The following ZNF443 variants were observed in gnomAD, a reference collection of about 807,000 sequenced individuals.
ZNF443 encodes zinc finger protein 443.
A neutral mutation model predicts 12.0 loss-of-function variants in ZNF443; 3 were observed. The ratio of observed to expected loss-of-function variants is 0.25; its 90% CI spans 0.11 to 0.64. The LOEUF is 0.64. Among genes scored for constraint, ZNF443 ranks in the 30% least tolerant of loss-of-function variants. ZNF443 has a pLI of 0.84. For synonymous variants in ZNF443, 225 were observed against 265.9 expected, an observed-to-expected ratio of 0.85 and a Z score of 1.50; for missense variants, 770 against 808.8, an observed-to-expected ratio of 0.95 and a Z score of 0.58.
chr19:12,431,873 A>C lies in ZNF443; in HGVS notation c.299T>G (p.Val100Gly). The C allele has an allele frequency of 1.2e-6, 2 of 1,613,944 alleles. No homozygotes were observed. The highest frequency in any genetic ancestry group is 1.3e-5 in the African/African-American group (1 of 74,980). Residue 100 changes from valine (V) to glycine (G), a missense_variant, in exon 4 of 4, where the codon GTA (valine) becomes GGA (glycine). Physicochemically the swap from Val to Gly is moderately radical, Grantham distance 109 (BLOSUM62 -3). This residue lies in a region of ZNF443 where 736 missense variants were observed against 689.4 expected (regional missense o/e 1.07). Coordinates refer to ENST00000301547, the MANE Select transcript of ZNF443 (RefSeq NM_005815.5). ...TCTCATACTGCTTTCACAAGGACCT[A>C]CTCCAGGAAGAGTGTTCTTGGTCAC... ...SIVTKNTLPG[V>G]GPCESSMRGE...
Position 12,431,301 on chromosome 19 carries a change from G to C in ZNF443, c.871C>G (p.Pro291Ala). The part of the protein sequence containing the change: ...YKCKQCSKAF[P>A]DSSSCLIHER... ...TGTATTAGACAAGAACTGGAATCAG[G>C]GAAGGCTTTAGAACACTGCTTACAT... is the stretch of plus-strand genomic sequence containing the variant. Residue 291 changes from proline to alanine, a missense_variant, in exon 4 of 4, where the codon CCT becomes GCT. By Grantham distance (27) the Pro-to-Ala change is conservative. Around this residue, in one of 3 missense-constraint regions of ZNF443, gnomAD observed 736 missense variants for 689.4 expected, o/e 1.07. Coordinates refer to ENST00000301547, the MANE Select transcript of ZNF443 (RefSeq NM_005815.5). 6.2e-7 allele frequency: 1 copy of C among 1,613,998 alleles called. No individual in the cohort carries two copies.
At chr19:12,440,010 G>A (rs149531135) in intron 1 of ZNF443, among the ~76,000 whole-genome samples, 6,505 of 147,200 alleles carry the variant, frequency 0.044, 159 homozygotes, top group Middle Eastern at 0.087. Context: ...AGACCCTGCT[G>A]CCCACGTCTT....
rs706547 is a variant in ZNF443 at position 12,430,004 on chromosome 19, G to T, written c.*152C>A. On this transcript the variant is annotated 3_prime_UTR_variant, in exon 4 of 4. Transcript: ENST00000301547. ...GAACCAATACCCAGCAGGTATCAAGGGATGACTGTACTGGAAAGAAACTGA... is the reference window on the plus strand; with the variant it reads ...GAACCAATACCCAGCAGGTATCAAGTGATGACTGTACTGGAAAGAAACTGA... 22 of 1,372,926 alleles carry T rather than the reference G, an allele frequency of 1.6e-5. No individual in the cohort carries two copies. The highest frequency in any genetic ancestry group is 2.9e-5 in the South Asian group (2 of 68,832). The allele number at this position is 1,372,926 out of a possible 1,614,324, so 85.0% of individuals were successfully genotyped here.
rs372944620 is a variant in ZNF443, at chr19:12,431,746, C to T, written c.426G>A (p.Thr142=). 6.6e-5 allele frequency: 107 copies of T among 1,613,998 alleles called. No homozygotes were observed. In the Admixed American group the frequency reaches 1.3e-3, roughly 20 times the overall value. The change falls in exon 4 of 4, where the codon ACG becomes ACA. Residue 142 remains threonine (T), a synonymous_variant. Coordinates refer to ENST00000301547, the MANE Select transcript of ZNF443 (RefSeq NM_005815.5). Reference sequence around the variant, plus strand: ...TGAAGGCTTTCCCACGTTGTTTATGCGTATCTGGCTTCTCTCCACATTCAT... The same window carrying T: ...TGAAGGCTTTCCCACGTTGTTTATGTGTATCTGGCTTCTCTCCACATTCAT... ...EYHECGEKPD[T]HKQRGKAFSY...
chr19:12,438,665 T>C (rs1188322794), intron 1 of ZNF443, among the ~76,000 whole-genome samples: 1 of 152,130 alleles, frequency 6.6e-6, no homozygotes, highest in African/African-American at 2.4e-5. Context: ...AGTCCTGAAA[T>C]TCCATCTGAA....
chr19:12,432,304 C>T lies in ZNF443; in HGVS notation c.191+73G>A, dbSNP rs570723248. 1.3e-4 allele frequency: 169 copies of T among 1,317,226 alleles called. 1 individual carries two copies. The highest frequency in any genetic ancestry group is 4.0e-4 in the South Asian group (30 of 75,002). The allele number at this position is 1,317,226 out of a possible 1,614,324, so 81.6% of individuals were successfully genotyped here. On this transcript the variant is annotated intron_variant, in intron 3 of 3. Transcript: ENST00000301547. ...AAGCTAGCCTTGTTCATTTTCTTTG[C>T]TTCTTTTTAAATTTTCATGTCATTC...
At chr19:12,432,097 T>C (rs1327752713) in intron 3 of ZNF443, 117 bp from the exon 4 acceptor site, 2 of 969,512 alleles carry the variant, frequency 2.1e-6, no homozygotes, top group Non-Finnish European at 2.9e-6. Flanking sequence ...CTTCGTGTCC[T>C]GCTTGAATGT....
intron 1 of ZNF443, among the ~76,000 whole-genome samples, chr19:12,434,152 T>A (rs904397616): frequency 1.3e-5 from 2 of 152,182 alleles, no homozygotes; most frequent in African/African-American, 4.8e-5. Context: ...TTACCGAGGT[T>A]CAGTAATTCT....
intron 1 of ZNF443, among the ~76,000 whole-genome samples, chr19:12,437,416 A>AAGAAAG (rs1555692049): frequency 0.014 from 2,014 of 146,742 alleles, 38 homozygotes; most frequent in Non-Finnish European, 0.02. Context: ...TCAAAAAAAA[A>AAGAAAG]AAAGAAACAA....
intron 1 of ZNF443, among the ~76,000 whole-genome samples, chr19:12,434,143 T>A (rs1380947982): frequency 6.6e-6 from 1 of 152,184 alleles, no homozygotes; most frequent in Non-Finnish European, 1.5e-5. Flanking sequence ...TCTTATAAAT[T>A]ACCGAGGTTC....
chr19:12,439,197 C>A (rs549891322), intron 1 of ZNF443, among the ~76,000 whole-genome samples: 1 of 152,140 alleles, frequency 6.6e-6, no homozygotes, highest in Non-Finnish European at 1.5e-5. Flanking sequence ...CCTTTTAAGT[C>A]TGAGAGAGTC....
At chr19:12,432,758 T>A (rs150448351) in intron 2 of ZNF443, among the ~76,000 whole-genome samples, 3,846 of 147,742 alleles carry the variant, frequency 0.026, 71 homozygotes, top group Middle Eastern at 0.041. Context: ...TCCTTATGAT[T>A]ATCTTTTTAA....
chr19:12,434,756 T>C (rs1313264390), intron 1 of ZNF443, among the ~76,000 whole-genome samples: 1 of 151,862 alleles, frequency 6.6e-6, no homozygotes, highest in African/African-American at 2.4e-5. Context: ...GGTAGAAAAG[T>C]CTCGTAGAGT....
Position 12,431,813 on chromosome 19 carries a change from C to G in ZNF443, c.359G>C (p.Cys120Ser). 1 of 1,614,116 alleles carries G rather than the reference C, an allele frequency of 6.2e-7. No homozygotes were observed. The highest frequency in any genetic ancestry group is 8.5e-7 in the Non-Finnish European group (1 of 1,179,992). The change falls in exon 4 of 4, where the codon TGT becomes TCT. Residue 120 changes from cysteine to serine, a missense_variant. By Grantham distance (112) the Cys-to-Ser change is moderately radical (BLOSUM62 -1). Transcript: ENST00000301547. ...GTGCCCAGCACCAACTCTGATGTAA[C>G]AATTAAGGGATGAATGACCCATGAC... Reference protein sequence around the residue: ...EKVMGHSSLNCYIRVGAGHKP... With the variant: ...EKVMGHSSLNSYIRVGAGHKP...
At chr19:12,433,974 A>T (rs1233471369) in intron 1 of ZNF443, among the ~76,000 whole-genome samples, 2 of 152,218 alleles carry the variant, frequency 1.3e-5, no homozygotes, top group African/African-American at 2.4e-5. Flanking sequence ...CTGAGAAAAG[A>T]AAGAGATCTG....
At chr19:12,440,748 A>G (rs1041851198) in intron 1 of ZNF443, among the ~76,000 whole-genome samples, 164 bp downstream of exon 1, 1 of 152,112 alleles carries the variant, frequency 6.6e-6, no homozygotes, top group Non-Finnish European at 1.5e-5. Flanking sequence ...TCCCGGCTGC[A>G]TGCCCAGCCC....
In ZNF443 at chr19:12,431,839, T is replaced by G. The variant is rs4239550; in HGVS notation, c.333A>C (p.Lys111Asn). 0.3 allele frequency: 484,005 copies of G among 1,613,464 alleles called. 75,623 individuals are homozygous for G. Among genetic ancestry groups the G allele is most frequent in the South Asian group, 0.47 (42,706 of 91,044 alleles). The change falls in exon 4 of 4, where the codon AAA becomes AAC. Residue 111 changes from lysine to asparagine, a missense_variant. Physicochemically the swap from Lys to Asn is moderately conservative, Grantham distance 94. Coordinates refer to ENST00000301547, the MANE Select transcript of ZNF443 (RefSeq NM_005815.5). Reference sequence around the variant, plus strand: ...AATTAAGGGATGAATGACCCATGACTTTTTCTCCTCTCATACTGCTTTCAC... The same window carrying G: ...AATTAAGGGATGAATGACCCATGACGTTTTCTCCTCTCATACTGCTTTCAC... Reference protein sequence around the residue: ...GPCESSMRGEKVMGHSSLNCY... With the variant: ...GPCESSMRGENVMGHSSLNCY...
At chr19:12,432,336 C>A in intron 3 of ZNF443, 41 bp downstream of exon 3, 1 of 1,477,138 alleles carries the variant, frequency 6.8e-7, no homozygotes, top group Non-Finnish European at 9.3e-7. Flanking sequence ...ATTCTCAGAA[C>A]GGCTCCAGGG....
Position 12,431,405 on chromosome 19 carries a change from T to C in ZNF443, c.767A>G (p.Lys256Arg). ...THTGEKPYECKQCSKAFPFYS... is the reference protein window; with the variant it reads ...THTGEKPYECRQCSKAFPFYS... Reference sequence around the variant, plus strand: ...AAAAGGAAAGGCTTTAGAACACTGTTTACATTCATACGGTTTCTCCCCAGT... The same window carrying C: ...AAAAGGAAAGGCTTTAGAACACTGTCTACATTCATACGGTTTCTCCCCAGT... Residue 256 changes from lysine (K) to arginine (R), a missense_variant, in exon 4 of 4, where the codon AAA becomes AGA. Physicochemically the swap from Lys to Arg is conservative, Grantham distance 26. Around this residue, in one of 3 missense-constraint regions of ZNF443, gnomAD observed 736 missense variants for 689.4 expected, o/e 1.07. Transcript: ENST00000301547. 1 of 1,614,098 alleles carries C rather than the reference T, an allele frequency of 6.2e-7. No individual in the cohort carries two copies. Among genetic ancestry groups the C allele is most frequent in the South Asian group, 1.1e-5 (1 of 91,072 alleles).
Sources: allele counts gnomAD v4.1 joint callset (sites outside exome capture counted in the v4.1 genomes callset), GRCh38; gene constraint gnomAD v4.1.1; regional missense constraint gnomAD v4.1.1; transcripts MANE v1.5; gene names NCBI Gene and HGNC (gene_info 2026-07-23, HGNC 2026-07-21).